CA10: variants seen among roughly 807,000 people sequenced by gnomAD.
CA10 encodes the protein carbonic anhydrase-related protein 10.
In CA10, 14 loss-of-function variants were observed where a neutral mutation model predicts 44.2. That is an observed-to-expected ratio of 0.32 (90% CI 0.21 to 0.50). The LOEUF (loss-of-function observed/expected upper bound fraction) is 0.50, where lower values mean the gene tolerates loss of function less well. Ranked by LOEUF, CA10 falls within the 20% of genes least tolerant of loss-of-function variation. The pLI is 0.99. For missense variants in CA10, 350 were observed against 409.7 expected, an observed-to-expected ratio of 0.85 and a Z score of 1.26; for synonymous variants, 159 against 141.6, an observed-to-expected ratio of 1.12 and a Z score of -0.87.
chr17:51,682,259 T>C (rs536537884), intron 4 of CA10, among the ~76,000 whole-genome samples: 1 of 152,172 alleles, frequency 6.6e-6, no homozygotes, highest in African/African-American at 2.4e-5. Context: ...GCAGCCACAC[T>C]GATAAGATGG....
intron 3 of CA10, among the ~76,000 whole-genome samples, chr17:51,830,689 T>C (rs868580831): frequency 2.6e-5 from 4 of 152,140 alleles, no homozygotes; most frequent in Admixed American, 6.5e-5. Flanking sequence ...CCTCTCTGCT[T>C]ACTTAACACC....
At chr17:51,859,851 A>G (rs1352514524) in intron 3 of CA10, among the ~76,000 whole-genome samples, 3 of 152,206 alleles carry the variant, frequency 2.0e-5, no homozygotes, top group African/African-American at 7.2e-5. Flanking sequence ...TATATTAAGA[A>G]TTCTGAGGGT....
chr17:51,762,840 TA>T (rs1204971794), intron 3 of CA10: 1 of 152,180 alleles, frequency 6.6e-6, no homozygotes, highest in Non-Finnish European at 1.5e-5. Flanking sequence ...AATCATGTTT[TA>T]AAAAGACACT....
chr17:51,667,616 T>C (rs4793714), intron 4 of CA10, among the ~76,000 whole-genome samples: 97,453 of 151,606 alleles, frequency 0.64, 31,595 homozygotes, highest in Middle Eastern at 0.68. Flanking sequence ...CCTGCTGCAC[T>C]CTGTGTGGTC....
intron 2 of CA10, among the ~76,000 whole-genome samples, chr17:51,993,071 C>T (rs912087190): frequency 2.6e-5 from 4 of 152,026 alleles, no homozygotes; most frequent in African/African-American, 9.7e-5. Flanking sequence ...AATTAGGAAA[C>T]AATAAGAAGT....
chr17:51,923,642 A>G (rs562825185), intron 3 of CA10, among the ~76,000 whole-genome samples: 1 of 152,338 alleles, frequency 6.6e-6, no homozygotes, highest in African/African-American at 2.4e-5. Context: ...AAATTTTGCA[A>G]TCAGGTTCAG....
intron 2 of CA10, among the ~76,000 whole-genome samples, chr17:51,954,285 C>G (rs1338431275): frequency 6.6e-6 from 1 of 152,154 alleles, no homozygotes; most frequent in African/African-American, 2.4e-5. Context: ...GAAAATTAAA[C>G]TAAACATTAA....
At chr17:51,914,820 T>A (rs1382467091) in intron 3 of CA10, among the ~76,000 whole-genome samples, 1 of 152,182 alleles carries the variant, frequency 6.6e-6, no homozygotes. Flanking sequence ...TCAGCTCTGT[T>A]TCTTGTCATC....
intron 3 of CA10, among the ~76,000 whole-genome samples, chr17:51,896,259 G>A (rs1365387851): frequency 6.6e-6 from 1 of 151,840 alleles, no homozygotes; most frequent in African/African-American, 2.4e-5. Flanking sequence ...TACCCTCAAG[G>A]AGGCCCCAGT....
intron 2 of CA10, among the ~76,000 whole-genome samples, chr17:52,066,722 A>T (rs1390741130): frequency 6.6e-6 from 1 of 152,216 alleles, no homozygotes; most frequent in Non-Finnish European, 1.5e-5. Flanking sequence ...AGATTAACAC[A>T]GATGAAGATA....
At chr17:51,961,969 C>T (rs139092187) in intron 2 of CA10, among the ~76,000 whole-genome samples, 70 of 152,252 alleles carry the variant, frequency 4.6e-4, no homozygotes, top group Non-Finnish European at 7.6e-4. Context: ...CCAAGCAGAT[C>T]TCCAGGCAGT....
chr17:52,155,783 T>C (rs1450453069), intron 1 of CA10, among the ~76,000 whole-genome samples: 1 of 152,242 alleles, frequency 6.6e-6, no homozygotes, highest in Non-Finnish European at 1.5e-5. Context: ...TTTTATCCTC[T>C]CATTACATAG....
intron 3 of CA10, among the ~76,000 whole-genome samples, chr17:51,905,648 C>T (rs969353923): frequency 6.6e-6 from 1 of 150,968 alleles, no homozygotes; most frequent in Non-Finnish European, 1.5e-5. Flanking sequence ...CTGTTCTTAT[C>T]CCCAGGCTAT....
intron 4 of CA10, among the ~76,000 whole-genome samples, chr17:51,716,963 T>C (rs907924975): frequency 6.6e-6 from 1 of 152,186 alleles, no homozygotes; most frequent in African/African-American, 2.4e-5. Flanking sequence ...AGAGATGAAT[T>C]ATAGTGTTAC....
intron 1 of CA10, among the ~76,000 whole-genome samples, chr17:52,103,220 T>C (rs1054785955): frequency 1.1e-4 from 17 of 152,186 alleles, no homozygotes; most frequent in African/African-American, 4.1e-4. Context: ...TTCTCCACTA[T>C]TTAGCGCAGG....
intron 3 of CA10, among the ~76,000 whole-genome samples, chr17:51,916,096 G>A (rs138115702): frequency 5.8e-4 from 88 of 151,850 alleles, no homozygotes; most frequent in African/African-American, 2.1e-3. Context: ...GATTTTGAAC[G>A]TATTTCCAGC....
intron 3 of CA10, among the ~76,000 whole-genome samples, chr17:51,853,197 A>G (rs1978879513): frequency 6.6e-6 from 1 of 152,318 alleles, no homozygotes; most frequent in East Asian, 1.9e-4. Flanking sequence ...AGTCCCAATG[A>G]TGATATTTAA....
intron 1 of CA10, chr17:52,134,800 C>A: frequency 2.0e-6 from 1 of 507,474 alleles, no homozygotes; most frequent in South Asian, 1.4e-5. Flanking sequence ...GCCTCTTCCA[C>A]TGTGCCCTGG....
intron 3 of CA10, among the ~76,000 whole-genome samples, chr17:51,802,097 G>T (rs1273302837): frequency 1.3e-5 from 2 of 152,202 alleles, no homozygotes; most frequent in Non-Finnish European, 2.9e-5. Context: ...GAATGATTCT[G>T]AGGCTGCTTT....
Sources: gnomAD v4.1 joint callset for allele counts (sites outside exome capture counted in the v4.1 genomes callset) on GRCh38, gnomAD v4.1.1 for gene constraint, MANE v1.5 for transcripts, NCBI Gene and HGNC (gene_info 2026-07-23, HGNC 2026-07-21) for gene names.